Variants in AGBL4 observed in about 807,000 individuals in gnomAD.
AGBL4 encodes AGBL carboxypeptidase 4.
In AGBL4, 58 loss-of-function variants were observed where a neutral mutation model predicts 66.4. The ratio of observed to expected loss-of-function variants is 0.87; its 90% CI spans 0.71 to 1.09. The LOEUF is 1.09. Among genes scored for constraint, AGBL4 ranks in the 50% least tolerant of loss-of-function variants. AGBL4 has a pLI of 0.00. For missense variants in AGBL4, 579 were observed against 631.0 expected (o/e 0.92, Z 0.88); for synonymous variants, 234 against 222.9 (o/e 1.05, Z -0.44).
At chr1:49,898,291 T>TA (rs1649419099) in intron 1 of AGBL4, among the ~76,000 whole-genome samples, 1 of 151,948 alleles carries the variant, frequency 6.6e-6, no homozygotes, top group African/African-American at 2.4e-5. Context: ...TAATTCAATT[T>TA]AAAAATGGGC....
intron 6 of AGBL4, among the ~76,000 whole-genome samples, chr1:48,773,352 G>A (rs974974843): frequency 6.6e-6 from 1 of 152,272 alleles, no homozygotes; most frequent in African/African-American, 2.4e-5. Flanking sequence ...TTCACAACCT[G>A]CTTGGCAAAT....
intron 11 of AGBL4, among the ~76,000 whole-genome samples, chr1:48,575,920 G>C (rs577161130): frequency 5.3e-5 from 8 of 152,328 alleles, no homozygotes; most frequent in African/African-American, 1.9e-4. Flanking sequence ...TAGGTGCTCA[G>C]TGAGTGTAGC....
intron 1 of AGBL4, among the ~76,000 whole-genome samples, chr1:49,979,531 T>TAAGC (rs1033000482): frequency 6.6e-6 from 1 of 151,930 alleles, no homozygotes; most frequent in Non-Finnish European, 1.5e-5. Context: ...GGAAAAAATG[T>TAAGC]AAGCAATTAT....
intron 4 of AGBL4, among the ~76,000 whole-genome samples, chr1:49,091,250 G>T (rs1416331849): frequency 6.6e-6 from 1 of 151,970 alleles, no homozygotes. Context: ...ACAAATTAAA[G>T]AGGTTCTGCA....
At chr1:48,741,971 A>G (rs2148595046) in intron 6 of AGBL4, among the ~76,000 whole-genome samples, 1 of 152,210 alleles carries the variant, frequency 6.6e-6, no homozygotes, top group East Asian at 1.9e-4. Context: ...TGTGACTTTA[A>G]GATTTTTCAC....
At chr1:49,789,159 G>T (rs1238420011) in intron 2 of AGBL4, among the ~76,000 whole-genome samples, 15 of 152,178 alleles carry the variant, frequency 9.9e-5, no homozygotes, top group Non-Finnish European at 1.8e-4. Context: ...ATTTGAGTAT[G>T]TTGAACCAGC....
chr1:49,164,984 T>A (rs541798693), intron 4 of AGBL4, among the ~76,000 whole-genome samples: 1 of 152,102 alleles, frequency 6.6e-6, no homozygotes, highest in South Asian at 2.1e-4. Context: ...ATGGAAAGGC[T>A]CCTGCCTTTC....
intron 3 of AGBL4, among the ~76,000 whole-genome samples, chr1:49,533,196 A>C (rs1405897246): frequency 6.6e-6 from 1 of 151,978 alleles, no homozygotes; most frequent in Non-Finnish European, 1.5e-5. Flanking sequence ...CCCCGCCCCC[A>C]CACACAGACA....
In AGBL4 at chr1:49,428,742, C is replaced by T. The variant is rs546749310; in HGVS notation, c.283-182878G>A. ...AGAATAAGCAAAACCTACGGTGCCC[C>T]ATTCGTTGGACTAGGCCATTTTGTG... On this transcript the variant is annotated intron_variant, in intron 3 of 13. Transcript: ENST00000371839. Among the ~76,000 whole-genome samples the T allele has an allele frequency of 2.0e-5, 3 of 152,322 alleles. No individual in the cohort carries two copies. In the South Asian group the frequency reaches 6.2e-4, roughly 32 times the overall value.
intron 3 of AGBL4, among the ~76,000 whole-genome samples, chr1:49,355,501 C>T (rs1415225982): frequency 1.4e-4 from 22 of 152,150 alleles, no homozygotes; most frequent in Admixed American, 1.4e-3. Context: ...AACTGCTCTC[C>T]TTGATTCCAT....
chr1:49,072,825 C>T (rs1156967267), intron 4 of AGBL4, among the ~76,000 whole-genome samples: 1 of 152,202 alleles, frequency 6.6e-6, no homozygotes, highest in Non-Finnish European at 1.5e-5. Flanking sequence ...TGGATAATAT[C>T]CATAAGAGTG....
chr1:49,100,885 A>G (rs7527364), intron 4 of AGBL4, among the ~76,000 whole-genome samples: 89,151 of 151,998 alleles, frequency 0.59, 27,066 homozygotes, highest in Middle Eastern at 0.68. Context: ...TTAAGATGCT[A>G]TATTTCACCA....
rs140864341 is a variant in AGBL4, at chr1:49,106,369, G to A, written c.378-60569C>T. Among the ~76,000 whole-genome samples the A allele has an allele frequency of 2.1e-3, 321 of 152,174 alleles. 1 individual carries two copies. The highest frequency in any genetic ancestry group is 0.01 in the Middle Eastern group (3 of 294). On this transcript the variant is annotated intron_variant, in intron 4 of 13. Transcript: ENST00000371839. Reference sequence around the variant, plus strand: ...TTTGTCTTTGTATACCAGGACCCAGGGCCAACTTCTGAGTATGTTCATTTT... The same window carrying A: ...TTTGTCTTTGTATACCAGGACCCAGAGCCAACTTCTGAGTATGTTCATTTT...
chr1:49,884,914 T>C (rs1307538707), intron 1 of AGBL4, among the ~76,000 whole-genome samples: 2 of 151,898 alleles, frequency 1.3e-5, no homozygotes, highest in African/African-American at 4.8e-5. Context: ...CTCATTTCAC[T>C]CTTATAAATA....
At chr1:48,615,448 G>A (rs1225251827) in intron 9 of AGBL4, among the ~76,000 whole-genome samples, 6 of 152,110 alleles carry the variant, frequency 3.9e-5, no homozygotes, top group African/African-American at 1.2e-4. Context: ...TGAGCTACAG[G>A]GGAAACACCA....
At chr1:49,133,234 G>A (rs969184207) in intron 4 of AGBL4, among the ~76,000 whole-genome samples, 2 of 152,086 alleles carry the variant, frequency 1.3e-5, no homozygotes, top group Admixed American at 6.5e-5. Flanking sequence ...ACTGGGGCCT[G>A]TCAGGGGTTG....
At chr1:49,554,950 G>C (rs1427696299) in intron 3 of AGBL4, among the ~76,000 whole-genome samples, 2 of 152,194 alleles carry the variant, frequency 1.3e-5, no homozygotes, top group African/African-American at 4.8e-5. Context: ...TTCACGGTGA[G>C]TGTTAAAGCT....
chr1:48,566,029 C>G (rs1644471397), intron 11 of AGBL4, among the ~76,000 whole-genome samples: 1 of 152,208 alleles, frequency 6.6e-6, no homozygotes, highest in Non-Finnish European at 1.5e-5. Flanking sequence ...ATACCATCCA[C>G]TCCTGTTAAT....
intron 2 of AGBL4, among the ~76,000 whole-genome samples, chr1:49,822,665 A>G (rs1173134173): frequency 6.6e-6 from 1 of 152,184 alleles, no homozygotes; most frequent in East Asian, 1.9e-4. Context: ...CCAAATTTAT[A>G]CATAAGTATG....
Sources: gnomAD v4.1 joint callset for allele counts (sites outside exome capture counted in the v4.1 genomes callset) on GRCh38, gnomAD v4.1.1 for gene constraint, MANE v1.5 for transcripts, NCBI Gene and HGNC (gene_info 2026-07-23, HGNC 2026-07-21) for gene names.